The following ZHX2 variants were observed in gnomAD, a reference collection of about 807,000 sequenced individuals.
The protein encoded by ZHX2 is zinc fingers and homeoboxes 2.
In ZHX2, 6 loss-of-function variants were observed where a neutral mutation model predicts 21.9. That is an observed-to-expected ratio of 0.27 (90% CI 0.15 to 0.54). The LOEUF (loss-of-function observed/expected upper bound fraction) is 0.54, where lower values mean the gene tolerates loss of function less well. Among genes scored for constraint, ZHX2 ranks in the 20% least tolerant of loss-of-function variants. The pLI is 0.95. For missense variants in ZHX2, 908 were observed against 1,090.7 expected (o/e 0.83, Z 2.36); for synonymous variants, 434 against 437.1 (o/e 0.99, Z 0.09).
At chr8:122,892,877 G>T (rs534265632) in intron 2 of ZHX2, among the ~76,000 whole-genome samples, 2 of 151,932 alleles carry the variant, frequency 1.3e-5, no homozygotes, top group African/African-American at 4.8e-5. Context: ...GTAGAGATGG[G>T]GTTTCACTAT....
chr8:122,908,200 T>G (rs953455695), intron 2 of ZHX2, among the ~76,000 whole-genome samples: 6 of 152,058 alleles, frequency 3.9e-5, no homozygotes, highest in Admixed American at 3.3e-4. Flanking sequence ...GTCCTTGGTT[T>G]GTTTGTTTGT....
chr8:122,867,126 A>C (rs1586342124), intron 2 of ZHX2, among the ~76,000 whole-genome samples: 1 of 151,852 alleles, frequency 6.6e-6, no homozygotes, highest in South Asian at 2.1e-4. Flanking sequence ...GAGCTACTGC[A>C]CCCAGCCCCT....
At chr8:122,854,980 A>G (rs1345749066) in intron 1 of ZHX2, among the ~76,000 whole-genome samples, 2 of 152,206 alleles carry the variant, frequency 1.3e-5, no homozygotes, top group East Asian at 1.9e-4. Flanking sequence ...CACCTGATAC[A>G]GTATTCTAAG....
chr8:122,830,250 C>T (rs890776442), intron 1 of ZHX2, among the ~76,000 whole-genome samples: 7 of 152,186 alleles, frequency 4.6e-5, no homozygotes, highest in Non-Finnish European at 8.8e-5. Flanking sequence ...GATGTAACTG[C>T]TACGTTGTAC....
intron 1 of ZHX2, among the ~76,000 whole-genome samples, chr8:122,796,592 T>C (rs573953553): frequency 1.3e-5 from 2 of 152,194 alleles, no homozygotes; most frequent in African/African-American, 4.8e-5. Flanking sequence ...TCTAGTTTCC[T>C]TTTTTTCCCT....
chr8:122,825,874 C>T (rs993906483), intron 1 of ZHX2, among the ~76,000 whole-genome samples: 2 of 152,188 alleles, frequency 1.3e-5, no homozygotes, highest in Non-Finnish European at 2.9e-5. Flanking sequence ...TTCCATCAAG[C>T]CATAAATTCC....
intron 2 of ZHX2, among the ~76,000 whole-genome samples, chr8:122,926,381 A>G (rs1301052722): frequency 1.3e-5 from 2 of 152,194 alleles, no homozygotes; most frequent in Non-Finnish European, 2.9e-5. Flanking sequence ...ATTAAAGGCT[A>G]TGTCCTGCAC....
intron 2 of ZHX2, among the ~76,000 whole-genome samples, chr8:122,873,731 T>G (rs1819501038): frequency 6.6e-6 from 1 of 152,220 alleles, no homozygotes; most frequent in South Asian, 2.1e-4. Context: ...TGGGTCTCAC[T>G]GAGCTGAAGG....
chr8:122,933,285 G>A (rs903949621), intron 2 of ZHX2, among the ~76,000 whole-genome samples: 1 of 152,216 alleles, frequency 6.6e-6, no homozygotes. Flanking sequence ...ATAAATCCCT[G>A]TAGTCTCGCA....
intron 1 of ZHX2, among the ~76,000 whole-genome samples, chr8:122,813,659 AT>A (rs916206609): frequency 2.6e-5 from 4 of 151,578 alleles, no homozygotes; most frequent in African/African-American, 9.7e-5. Context: ...TCAGATTTTG[AT>A]TTTTTTTTAA....
At chr8:122,914,402 C>A (rs1820550324) in intron 2 of ZHX2, among the ~76,000 whole-genome samples, 1 of 152,246 alleles carries the variant, frequency 6.6e-6, no homozygotes, top group African/African-American at 2.4e-5. Flanking sequence ...GGAGCCAGAG[C>A]AGATGGCATT....
At chr8:122,948,751 G>C (rs988195400) in intron 2 of ZHX2, among the ~76,000 whole-genome samples, 1 of 152,184 alleles carries the variant, frequency 6.6e-6, no homozygotes, top group Admixed American at 6.5e-5. Context: ...ATGCTGCTGA[G>C]ATGGTTGGTA....
At chr8:122,853,858 G>A (rs1743398871) in intron 1 of ZHX2, among the ~76,000 whole-genome samples, 1 of 152,126 alleles carries the variant, frequency 6.6e-6, no homozygotes, top group Admixed American at 6.5e-5. Context: ...ATACTCCTTG[G>A]AATGTTGAAC....
chr8:122,920,296 T>G lies in ZHX2; in HGVS notation c.-219-30996T>G, dbSNP rs141184471. Among the ~76,000 whole-genome samples the G allele has an allele frequency of 1.9e-4, 29 of 152,048 alleles. No homozygotes were observed. The East Asian group carries it at 1.9e-3, about 10-fold the overall frequency. ...TCTCAAAAACAAACAAAAAAAAAATTCAAATTGAATCCTGTTGTATATACT... is the reference window on the plus strand; with the variant it reads ...TCTCAAAAACAAACAAAAAAAAAATGCAAATTGAATCCTGTTGTATATACT... On this transcript the variant is annotated intron_variant, in intron 2 of 3. Transcript: ENST00000314393.
At chr8:122,932,518 G>A (rs1821018534) in intron 2 of ZHX2, among the ~76,000 whole-genome samples, 4 of 152,056 alleles carry the variant, frequency 2.6e-5, no homozygotes, top group African/African-American at 7.2e-5. Flanking sequence ...CTTCTCCTTC[G>A]TAGTCAAAAC....
intron 1 of ZHX2, among the ~76,000 whole-genome samples, chr8:122,815,967 C>G (rs1434467639): frequency 6.6e-6 from 1 of 150,954 alleles, no homozygotes; most frequent in Admixed American, 6.6e-5. Context: ...GCAGTCCCAG[C>G]TACTAGGGAG....
chr8:122,950,419 G>A (rs1056780522), intron 2 of ZHX2, among the ~76,000 whole-genome samples: 1 of 152,020 alleles, frequency 6.6e-6, no homozygotes, highest in Non-Finnish European at 1.5e-5. Context: ...ACCGGGGCCT[G>A]TTGGGGGATG....
rs1443615372 is a variant in ZHX2 at position 122,885,174 on chromosome 8, T to C, written c.-220+21635T>C. ...AAACCAGGTCGACTGGAAGAGCCAG[T>C]TGTGGCCTGTCAGAACTTCACTGGC... is the stretch of plus-strand genomic sequence containing the variant. On this transcript the variant is annotated intron_variant, in intron 2 of 3. Transcript: ENST00000314393. 6.5e-4 allele frequency among the ~76,000 whole-genome samples: 99 copies of C among 152,280 alleles called. 1 individual carries two copies. The highest frequency in any genetic ancestry group is 4.0e-4 in the Non-Finnish European group (27 of 68,010).
intron 1 of ZHX2, among the ~76,000 whole-genome samples, chr8:122,814,923 GC>G (rs1818001206): frequency 6.6e-6 from 1 of 152,166 alleles, no homozygotes; most frequent in Admixed American, 6.5e-5. Flanking sequence ...GGGAAAATTA[GC>G]AGTGATAAAG....
Sources: gnomAD v4.1 joint callset for allele counts (sites outside exome capture counted in the v4.1 genomes callset) on GRCh38, gnomAD v4.1.1 for gene constraint, MANE v1.5 for transcripts, NCBI Gene and HGNC (gene_info 2026-07-23, HGNC 2026-07-21) for gene names.